KCNH8: variants seen among roughly 807,000 people sequenced by gnomAD.
KCNH8 encodes voltage-gated delayed rectifier potassium channel KCNH8.
In KCNH8, 70 loss-of-function variants were observed where a neutral mutation model predicts 103.6. That is an observed-to-expected ratio of 0.68 (90% CI 0.56 to 0.82). KCNH8 has a LOEUF of 0.82. Ranked by LOEUF, KCNH8 falls within the 40% of genes least tolerant of loss-of-function variation. KCNH8 has a pLI of 0.00. For missense variants in KCNH8, 1,217 were observed against 1,329.9 expected (o/e 0.92, Z 1.32); for synonymous variants, 498 against 489.4 (o/e 1.02, Z -0.23).
chr3:19,249,753 G>A (rs991937906), intron 1 of KCNH8, among the ~76,000 whole-genome samples: 1 of 151,916 alleles, frequency 6.6e-6, no homozygotes, highest in African/African-American at 2.4e-5. Context: ...ATACATAAGG[G>A]GTGAAAACTA....
At chr3:19,317,470 A>G (rs2065288677) in intron 3 of KCNH8, among the ~76,000 whole-genome samples, 1 of 151,932 alleles carries the variant, frequency 6.6e-6, no homozygotes, top group African/African-American at 2.4e-5. Context: ...CTAGGTGTTC[A>G]TTGTCATGTG....
chr3:19,193,622 A>G (rs2063573725), intron 1 of KCNH8, among the ~76,000 whole-genome samples: 1 of 151,786 alleles, frequency 6.6e-6, no homozygotes, highest in Non-Finnish European at 1.5e-5. Context: ...AGGTACAGGT[A>G]GATATACAGT....
intron 6 of KCNH8, among the ~76,000 whole-genome samples, chr3:19,394,487 AAGAG>A (rs35675545): frequency 8.1e-5 from 12 of 147,808 alleles, no homozygotes; most frequent in Admixed American, 2.0e-4. Flanking sequence ...GAGAGAGAGA[AAGAG>A]AGAGAGAGAG....
intron 1 of KCNH8, among the ~76,000 whole-genome samples, chr3:19,183,937 G>A (rs982309239): frequency 6.6e-6 from 1 of 152,030 alleles, no homozygotes; most frequent in African/African-American, 2.4e-5. Context: ...TAACATTTAC[G>A]GTATTGGCAA....
intron 5 of KCNH8, among the ~76,000 whole-genome samples, chr3:19,353,258 A>T (rs1430255870): frequency 6.6e-6 from 1 of 152,182 alleles, no homozygotes; most frequent in Admixed American, 6.6e-5. Context: ...TATCAACCAA[A>T]AAAAGTCCAG....
chr3:19,148,515 T>A lies in KCNH8; in HGVS notation c.-205T>A. ...GCGGGGCGGGCTCGGGGAGCGCTCT[T>A]GGGGCTCCTCCTGCCACAGCCGGGG... On this transcript the variant is annotated 5_prime_UTR_variant, in exon 1 of 16. Transcript: ENST00000328405. 5.1e-6 allele frequency: 3 copies of A among 592,654 alleles called. No individual in the cohort carries two copies. The highest frequency in any genetic ancestry group is 2.9e-5 in the East Asian group (1 of 35,070). 36.7% of individuals were successfully genotyped at this position (592,654 alleles called of 1,614,324 possible). A position where few individuals can be genotyped will look rare whatever the true frequency, so the allele number is the denominator to read the frequency against.
chr3:19,372,804 G>C (rs183656545), intron 5 of KCNH8, among the ~76,000 whole-genome samples: 20 of 152,258 alleles, frequency 1.3e-4, no homozygotes, highest in African/African-American at 4.8e-4. Context: ...CGAATTTATT[G>C]AGAGTTTTTA....
At chr3:19,522,145 G>A (rs1559370207) in intron 15 of KCNH8, among the ~76,000 whole-genome samples, 1 of 151,586 alleles carries the variant, frequency 6.6e-6, no homozygotes, top group Non-Finnish European at 1.5e-5. Flanking sequence ...ATACTATGGA[G>A]AATAAAATGT....
chr3:19,373,080 G>A (rs1352545827), intron 5 of KCNH8, among the ~76,000 whole-genome samples: 1 of 151,746 alleles, frequency 6.6e-6, no homozygotes, highest in African/African-American at 2.4e-5. Context: ...CTCTTTTTTG[G>A]TTGTGTCTGT....
chr3:19,291,878 A>G (rs1406746650), intron 3 of KCNH8, among the ~76,000 whole-genome samples: 1 of 152,164 alleles, frequency 6.6e-6, no homozygotes, highest in Admixed American at 6.6e-5. Context: ...ATAGGGCTTC[A>G]TTCTTTGCAT....
At chr3:19,186,355 A>C (rs963252167) in intron 1 of KCNH8, among the ~76,000 whole-genome samples, 17 of 151,824 alleles carry the variant, frequency 1.1e-4, no homozygotes, top group African/African-American at 4.1e-4. Context: ...TGTCCTTTAC[A>C]CTTGCACATG....
chr3:19,210,190 G>A, intron 1 of KCNH8, among the ~76,000 whole-genome samples: 1 of 152,056 alleles, frequency 6.6e-6, no homozygotes, highest in East Asian at 1.9e-4. Context: ...AACATTTTGT[G>A]AGTGAAGAGA....
intron 8 of KCNH8, chr3:19,449,109 C>G (rs1305328423): frequency 2.6e-6 from 1 of 388,856 alleles, no homozygotes; most frequent in Non-Finnish European, 4.9e-6. Context: ...TCCTTTCACT[C>G]TACTGTTCTC....
At chr3:19,372,801 A>C (rs2066122014) in intron 5 of KCNH8, among the ~76,000 whole-genome samples, 4 of 152,202 alleles carry the variant, frequency 2.6e-5, no homozygotes, top group African/African-American at 7.2e-5. Context: ...TACCGAATTT[A>C]TTGAGAGTTT....
intron 15 of KCNH8, among the ~76,000 whole-genome samples, chr3:19,531,150 T>C (rs2069154814): frequency 1.3e-5 from 2 of 152,362 alleles, no homozygotes; most frequent in South Asian, 4.1e-4. Context: ...AATGAACTAA[T>C]GTAGCCCTAG....
chr3:19,265,930 A>G (rs2064503459), intron 2 of KCNH8, among the ~76,000 whole-genome samples: 1 of 152,064 alleles, frequency 6.6e-6, no homozygotes, highest in Admixed American at 6.6e-5. Flanking sequence ...GCTTCCTGAC[A>G]CTGTCTTAGG....
intron 5 of KCNH8, among the ~76,000 whole-genome samples, chr3:19,372,086 G>C (rs1412351217): frequency 6.6e-6 from 1 of 152,170 alleles, no homozygotes; most frequent in Non-Finnish European, 1.5e-5. Flanking sequence ...GATTGACTTG[G>C]CGATGCGGGC....
chr3:19,505,623 C>G (rs554202276), intron 11 of KCNH8, among the ~76,000 whole-genome samples: 1 of 152,190 alleles, frequency 6.6e-6, no homozygotes, highest in East Asian at 1.9e-4. Flanking sequence ...CTTGGAAAAT[C>G]TGATGATTAT....
rs1461337053 is a variant in KCNH8, at chr3:19,533,694, T to C, written c.2919T>C (p.Thr973=). 6.2e-7 allele frequency: 1 copy of C among 1,614,044 alleles called. No homozygotes were observed. Among genetic ancestry groups the C allele is most frequent in the Non-Finnish European group, 8.5e-7 (1 of 1,180,014 alleles). The change falls in exon 16 of 16, where the codon ACT becomes ACC. Residue 973 remains threonine, a synonymous_variant. Coordinates refer to ENST00000328405, the MANE Select transcript of KCNH8 (RefSeq NM_144633.3). The part of the protein sequence containing the change: ...PSSVGSSPQR[T]GAHEQNPADS... ...CTGTGGGGAGCAGCCCCCAACGAAC[T>C]GGAGCTCATGAGCAAAATCCTGCAG...
Sources: gnomAD v4.1 joint callset for allele counts (sites outside exome capture counted in the v4.1 genomes callset) on GRCh38, gnomAD v4.1.1 for gene constraint, MANE v1.5 for transcripts, NCBI Gene and HGNC (gene_info 2026-07-23, HGNC 2026-07-21) for gene names.